The following EYS variants were observed in gnomAD, a reference collection of about 807,000 sequenced individuals.
The protein encoded by EYS is EGF-like photoreceptor maintenance factor.
In EYS, 250 loss-of-function variants were observed where a neutral mutation model predicts 282.1. The ratio of observed to expected loss-of-function variants is 0.89; its 90% CI spans 0.80 to 0.98. The LOEUF is 0.98. EYS is among the 50% of genes least tolerant of loss of function. The pLI, the probability that EYS is intolerant of heterozygous loss-of-function variation, is 0.00. For synonymous variants in EYS, 1,355 were observed against 1,282.9 expected (o/e 1.06, Z -1.20); for missense variants, 4,016 against 3,709.0 (o/e 1.08, Z -2.15).
chr6:64,978,347 GT>G (rs1413050327), intron 14 of EYS, among the ~76,000 whole-genome samples: 5 of 151,868 alleles, frequency 3.3e-5, no homozygotes, highest in Non-Finnish European at 7.4e-5. Context: ...CAGCACATCT[GT>G]TTACAGCATG....
intron 1 of EYS, among the ~76,000 whole-genome samples, chr6:65,697,148 T>C (rs766580129): frequency 6.6e-6 from 1 of 152,038 alleles, no homozygotes; most frequent in Non-Finnish European, 1.5e-5. Flanking sequence ...AAAAGGTATG[T>C]TTTGTCTCTT....
intron 33 of EYS, among the ~76,000 whole-genome samples, chr6:64,059,318 A>G (rs940231651): frequency 6.6e-6 from 1 of 152,140 alleles, no homozygotes; most frequent in Non-Finnish European, 1.5e-5. Context: ...TTGGGCCCTA[A>G]GTCTTGACTT....
At chr6:63,872,311 G>GGT (rs750156894) in intron 35 of EYS, among the ~76,000 whole-genome samples, 52 of 150,508 alleles carry the variant, frequency 3.5e-4, no homozygotes, top group Admixed American at 9.9e-4. Context: ...CATACCAGGT[G>GGT]GTGTGTGTGT....
intron 22 of EYS, among the ~76,000 whole-genome samples, chr6:64,712,890 A>G (rs1429578032): frequency 6.6e-6 from 1 of 152,194 alleles, no homozygotes; most frequent in African/African-American, 2.4e-5. Context: ...AAGGCAATGG[A>G]GTGTAGCACA....
At chr6:65,372,034 A>C (rs1205074457) in intron 8 of EYS, among the ~76,000 whole-genome samples, 1 of 151,674 alleles carries the variant, frequency 6.6e-6, no homozygotes, top group Non-Finnish European at 1.5e-5. Context: ...TGGAGGATAG[A>C]AATAGAAGAC....
chr6:65,016,497 AC>A (rs1388898535), intron 13 of EYS, among the ~76,000 whole-genome samples: 1 of 152,192 alleles, frequency 6.6e-6, no homozygotes, highest in Non-Finnish European at 1.5e-5. Context: ...TAAAGTGATA[AC>A]AAAAATTCAG....
At chr6:64,112,480 T>C (rs1773237249) in intron 31 of EYS, among the ~76,000 whole-genome samples, 1 of 151,890 alleles carries the variant, frequency 6.6e-6, no homozygotes, top group African/African-American at 2.4e-5. Flanking sequence ...ATAGTATATA[T>C]AAAATATATA....
chr6:64,879,573 T>C (rs1036710833), intron 19 of EYS, among the ~76,000 whole-genome samples: 2 of 149,330 alleles, frequency 1.3e-5, no homozygotes, highest in African/African-American at 4.9e-5. Context: ...GCTAAAAATA[T>C]TAGGTAAGAT....
At chr6:64,242,464 T>C (rs1766866963) in intron 30 of EYS, among the ~76,000 whole-genome samples, 1 of 152,032 alleles carries the variant, frequency 6.6e-6, no homozygotes, top group African/African-American at 2.4e-5. Flanking sequence ...TGTTGTAAAA[T>C]ACCCTCTACA....
At position 65,271,128 on chromosome 6, in the gene EYS, TTATATATA is replaced by T. The variant is rs70999188; in HGVS notation, c.2023+24727_2023+24734del. Among the ~76,000 whole-genome samples the T allele has an allele frequency of 4.5e-4, 25 of 55,780 alleles. 1 individual carries two copies. The highest frequency in any genetic ancestry group is 1.8e-3 in the East Asian group (2 of 1,128). 36.6% of individuals were successfully genotyped at this position (55,780 alleles called of 152,430 possible). On this transcript the variant is annotated intron_variant, in intron 12 of 42. Coordinates refer to ENST00000503581, the MANE Select transcript of EYS (RefSeq NM_001142800.2). ...TCTCCAGAGAAACAGAATCAATAGA[TTATATATA>T]TATATATATATATATATGAAGATTT... is the stretch of plus-strand genomic sequence containing the variant.
intron 31 of EYS, among the ~76,000 whole-genome samples, chr6:64,099,492 A>G (rs940243266): frequency 6.6e-6 from 1 of 152,130 alleles, no homozygotes; most frequent in African/African-American, 2.4e-5. Context: ...GGTTATATCA[A>G]CTCTCCAACA....
At chr6:64,895,623 A>T (rs73452679) in intron 18 of EYS, among the ~76,000 whole-genome samples, 1 of 152,234 alleles carries the variant, frequency 6.6e-6, no homozygotes. Context: ...GCAACAGAAC[A>T]GCAATAGAGA....
At chr6:65,554,869 A>T (rs781060393) in intron 2 of EYS, among the ~76,000 whole-genome samples, 1 of 152,172 alleles carries the variant, frequency 6.6e-6, no homozygotes, top group Non-Finnish European at 1.5e-5. Flanking sequence ...GAAGTATCCC[A>T]GTTTTGTCTG....
chr6:65,215,401 A>G (rs1310956254), intron 12 of EYS, among the ~76,000 whole-genome samples: 1 of 152,228 alleles, frequency 6.6e-6, no homozygotes, highest in Non-Finnish European at 1.5e-5. Flanking sequence ...TAGAATTAGA[A>G]GAAGGGCCTA....
At position 64,230,788 on chromosome 6, in the gene EYS, A is replaced by C; in HGVS notation, c.6228T>G (p.Phe2076Leu). 1 of 1,551,222 alleles carries C rather than the reference A, an allele frequency of 6.4e-7. No homozygotes were observed. The highest frequency in any genetic ancestry group is 8.7e-7 in the Non-Finnish European group (1 of 1,146,600). Residue 2076 changes from phenylalanine to leucine, a missense_variant, in exon 31 of 43, where the codon TTT (phenylalanine) becomes TTG (leucine). Coordinates refer to ENST00000503581, the MANE Select transcript of EYS (RefSeq NM_001142800.2). ...QGFMLSPTASFVDASDVTQGV... is the reference protein window; with the variant it reads ...QGFMLSPTASLVDASDVTQGV... The stretch of plus-strand genomic sequence containing the variant: ...CTTGTGTCACATCAGAAGCATCAAC[A>C]AAGGAGGCTGTTGGAGACAGCATAA...
chr6:64,754,232 G>C (rs936974993), intron 22 of EYS, among the ~76,000 whole-genome samples: 1 of 151,866 alleles, frequency 6.6e-6, no homozygotes, highest in Non-Finnish European at 1.5e-5. Context: ...TCACAACCCA[G>C]AAAAATCTAA....
chr6:64,908,773 G>A (rs1767906267), intron 16 of EYS, among the ~76,000 whole-genome samples: 1 of 152,024 alleles, frequency 6.6e-6, no homozygotes, highest in South Asian at 2.1e-4. Context: ...TTGCTGATTG[G>A]TTTGTGAGTG....
intron 2 of EYS, among the ~76,000 whole-genome samples, chr6:65,526,877 A>G (rs1371089596): frequency 6.6e-6 from 1 of 152,192 alleles, no homozygotes; most frequent in Non-Finnish European, 1.5e-5. Context: ...GGCACTGCAT[A>G]AAGTCCAGGT....
chr6:64,143,915 G>C (rs1774428496), intron 31 of EYS, among the ~76,000 whole-genome samples: 1 of 150,610 alleles, frequency 6.6e-6, no homozygotes, highest in African/African-American at 2.5e-5. Context: ...AGTCATTGGG[G>C]TATCCCCTTT....
Sources: allele counts gnomAD v4.1 joint callset (sites outside exome capture counted in the v4.1 genomes callset), GRCh38; gene constraint gnomAD v4.1.1; transcripts MANE v1.5; gene names NCBI Gene and HGNC (gene_info 2026-07-23, HGNC 2026-07-21).